STAU2: variants seen among roughly 807,000 people sequenced by gnomAD.
STAU2 encodes staufen double-stranded RNA binding protein 2, also known as double-stranded RNA-binding protein Staufen homolog 2.
A neutral mutation model predicts 65.9 loss-of-function variants in STAU2; 20 were observed. The ratio of observed to expected loss-of-function variants is 0.30; its 90% CI spans 0.21 to 0.44. STAU2 has a LOEUF of 0.44. STAU2 is among the 20% of genes least tolerant of loss of function. The pLI is 1.00. For missense variants in STAU2, 558 were observed against 683.9 expected, an observed-to-expected ratio of 0.82 and a Z score of 2.05; for synonymous variants, 232 against 233.9, an observed-to-expected ratio of 0.99 and a Z score of 0.07.
chr8:73,744,838 G>C (rs930385825), intron 1 of STAU2, among the ~76,000 whole-genome samples: 2 of 152,112 alleles, frequency 1.3e-5, no homozygotes, highest in African/African-American at 4.8e-5. Flanking sequence ...TCTGAATAAA[G>C]GTTACAAAGA....
At chr8:73,554,862 C>T (rs934791978) in intron 12 of STAU2, among the ~76,000 whole-genome samples, 5 of 152,158 alleles carry the variant, frequency 3.3e-5, no homozygotes, top group South Asian at 4.1e-4. Context: ...TCTTCATCTA[C>T]GAAATATTTC....
chr8:73,460,153 G>C (rs1488941511), intron 13 of STAU2, among the ~76,000 whole-genome samples: 2 of 152,194 alleles, frequency 1.3e-5, no homozygotes, highest in Non-Finnish European at 2.9e-5. Context: ...TTAGCCTGAG[G>C]TACCTGACAA....
chr8:73,569,886 TA>T (rs1442271461), intron 12 of STAU2, among the ~76,000 whole-genome samples: 2 of 152,206 alleles, frequency 1.3e-5, no homozygotes, highest in Admixed American at 1.3e-4. Flanking sequence ...CTGAAAATTC[TA>T]AAAATCAGAA....
chr8:73,537,331 C>T (rs1806247690), intron 13 of STAU2, among the ~76,000 whole-genome samples: 1 of 150,216 alleles, frequency 6.7e-6, no homozygotes, highest in Admixed American at 6.7e-5. Flanking sequence ...AAAAAAGTAA[C>T]AGCTTAAAAT....
Position 73,501,772 on chromosome 8 carries a change from T to C in STAU2, c.1530+50240A>G, listed in dbSNP as rs1422456817. ...CCAAAAGCAAGTTCAATGCAATAAT[T>C]ATTCATTGGCCAAGATATTTGTCAA... On this transcript the variant is annotated intron_variant, in intron 13 of 14. Coordinates refer to ENST00000524300, the MANE Select transcript of STAU2 (RefSeq NM_001164380.2). 2.0e-5 allele frequency among the ~76,000 whole-genome samples: 3 copies of C among 152,132 alleles called. No homozygotes were observed. In the South Asian group the frequency reaches 6.2e-4, roughly 32 times the overall value.
At chr8:73,566,318 A>G (rs1420227281) in intron 12 of STAU2, among the ~76,000 whole-genome samples, 6 of 152,336 alleles carry the variant, frequency 3.9e-5, no homozygotes, top group African/African-American at 1.4e-4. Flanking sequence ...AGTAATGTAG[A>G]TGGCTGTGTC....
chr8:73,679,899 C>CAAAAA (rs1225107936), intron 5 of STAU2, among the ~76,000 whole-genome samples: 2 of 139,106 alleles, frequency 1.4e-5, no homozygotes, highest in Non-Finnish European at 3.1e-5. Flanking sequence ...AAAAAAAAAA[C>CAAAAA]AAAACAAAAA....
At chr8:73,581,872 C>T (rs188894514) in intron 12 of STAU2, among the ~76,000 whole-genome samples, 127 of 152,092 alleles carry the variant, frequency 8.4e-4, no homozygotes, top group Non-Finnish European at 1.6e-3. Context: ...CATCAAGAGA[C>T]GAGCCACTAA....
intron 13 of STAU2, among the ~76,000 whole-genome samples, chr8:73,545,883 G>C (rs1186363392): frequency 6.6e-6 from 1 of 151,686 alleles, no homozygotes; most frequent in East Asian, 1.9e-4. Flanking sequence ...TCCTGACCTC[G>C]TGATCCGCCC....
chr8:73,486,246 T>A (rs1820904263), intron 13 of STAU2, among the ~76,000 whole-genome samples: 1 of 152,086 alleles, frequency 6.6e-6, no homozygotes, highest in Non-Finnish European at 1.5e-5. Flanking sequence ...TTTTGTTGAA[T>A]AAATAAGTAA....
At chr8:73,687,841 A>G (rs150918657) in intron 5 of STAU2, among the ~76,000 whole-genome samples, 10,995 of 151,746 alleles carry the variant, frequency 0.072, 433 homozygotes, top group Middle Eastern at 0.15. Context: ...CCTCCTGAGT[A>G]GCTGGGACTA....
chr8:73,669,431 C>T (rs1817495616), intron 6 of STAU2, among the ~76,000 whole-genome samples: 1 of 152,056 alleles, frequency 6.6e-6, no homozygotes, highest in Non-Finnish European at 1.5e-5. Flanking sequence ...GAACTAGAAA[C>T]TGCCAACAAA....
chr8:73,705,905 T>C (rs1820473601), intron 4 of STAU2, among the ~76,000 whole-genome samples: 2 of 152,306 alleles, frequency 1.3e-5, no homozygotes, highest in Admixed American at 6.5e-5. Context: ...AAACTCTGGC[T>C]GTACTTTTGA....
Position 73,706,664 on chromosome 8 carries a change from T to C in STAU2, c.114+2368A>G, listed in dbSNP as rs116351763. ...CATGCCAATTATTCTAGTACTCTTT[T>C]TAAAAATAAGCAAGCTACAGGCTAA... On this transcript the variant is annotated intron_variant, in intron 4 of 14. Transcript: ENST00000524300. 1.4e-3 allele frequency among the ~76,000 whole-genome samples: 211 copies of C among 152,250 alleles called. 1 individual carries two copies. Among genetic ancestry groups the C allele is most frequent in the African/African-American group, 4.9e-3 (202 of 41,540 alleles).
chr8:73,560,625 G>A (rs1464187864), intron 12 of STAU2, among the ~76,000 whole-genome samples: 1 of 152,106 alleles, frequency 6.6e-6, no homozygotes, highest in African/African-American at 2.4e-5. Context: ...GGTGAACACA[G>A]TACCAACGGG....
At chr8:73,436,676 T>C (rs1046927244) in intron 13 of STAU2, among the ~76,000 whole-genome samples, 1 of 151,840 alleles carries the variant, frequency 6.6e-6, no homozygotes, top group African/African-American at 2.4e-5. Context: ...AACCTCCACC[T>C]CCTGGGTTCA....
intron 6 of STAU2, among the ~76,000 whole-genome samples, chr8:73,637,468 TGCTGAAAGTAAAAAAAAAAA>T (rs1814613183): frequency 9.0e-5 from 5 of 55,858 alleles, no homozygotes; most frequent in Admixed American, 8.4e-4. Context: ...CTTTATAAAG[TGCTGAAAGTAAAAAAAAAAA>T]AAAAAAAAAA....
intron 13 of STAU2, among the ~76,000 whole-genome samples, chr8:73,514,675 C>A (rs183561609): frequency 3.3e-5 from 5 of 152,368 alleles, no homozygotes; most frequent in African/African-American, 9.6e-5. Flanking sequence ...TACTCCATAG[C>A]TCTTCAGTAT....
chr8:73,451,134 T>A (rs1818777428), intron 13 of STAU2, among the ~76,000 whole-genome samples: 3 of 152,176 alleles, frequency 2.0e-5, no homozygotes, highest in Admixed American at 2.0e-4. Context: ...ATAAACGTAA[T>A]CCTTGAACAG....
Sources: allele counts gnomAD v4.1 joint callset (sites outside exome capture counted in the v4.1 genomes callset), GRCh38; gene constraint gnomAD v4.1.1; transcripts MANE v1.5; gene names NCBI Gene and HGNC (gene_info 2026-07-23, HGNC 2026-07-21).